TTPAL: variants seen among roughly 807,000 people sequenced by gnomAD.
TTPAL encodes alpha-tocopherol transfer protein-like.
In TTPAL, 21 loss-of-function variants were observed where a neutral mutation model predicts 28.7. That is an observed-to-expected ratio of 0.73 (90% CI 0.52 to 1.06). The LOEUF (loss-of-function observed/expected upper bound fraction) is 1.06, where lower values mean the gene tolerates loss of function less well. Ranked by LOEUF, TTPAL falls within the 50% of genes least tolerant of loss-of-function variation. TTPAL has a pLI of 0.00. For missense variants in TTPAL, 345 were observed against 425.5 expected, an observed-to-expected ratio of 0.81 and a Z score of 1.67; for synonymous variants, 169 against 171.9, an observed-to-expected ratio of 0.98 and a Z score of 0.13.
In TTPAL at chr20:44,490,356, C is replaced by T. The variant is rs2064193453; in HGVS notation, c.*815C>T. On this transcript the variant is annotated 3_prime_UTR_variant, in exon 5 of 5. Coordinates refer to ENST00000262605, the MANE Select transcript of TTPAL (RefSeq NM_001039199.3). ...TCTGGCCTGGATCCCAGGTGTACAACTATGGACAAGATATGGGCCTCTACT... is the reference window on the plus strand; with the variant it reads ...TCTGGCCTGGATCCCAGGTGTACAATTATGGACAAGATATGGGCCTCTACT... The T allele has an allele frequency of 6.6e-6, 1 of 152,338 alleles. No homozygotes were observed. Among genetic ancestry groups the T allele is most frequent in the Admixed American group, 6.5e-5 (1 of 15,282 alleles). 9.4% of individuals were successfully genotyped at this position (152,338 alleles called of 1,614,324 possible).
At position 44,489,614 on chromosome 20, in the gene TTPAL, G is replaced by A. The variant is rs2064186316; in HGVS notation, c.*73G>A. ...GGAGAGGCACAAGGAGAATTTAAGGGTCCATGGATTCAGTCTTGCTCCTTG... is the reference window on the plus strand; with the variant it reads ...GGAGAGGCACAAGGAGAATTTAAGGATCCATGGATTCAGTCTTGCTCCTTG... On this transcript the variant is annotated 3_prime_UTR_variant, in exon 5 of 5. Coordinates refer to ENST00000262605, the MANE Select transcript of TTPAL (RefSeq NM_001039199.3). 3 of 1,466,796 alleles carry A rather than the reference G, an allele frequency of 2.0e-6. No individual in the cohort carries two copies. Among genetic ancestry groups the A allele is most frequent in the Non-Finnish European group, 2.7e-6 (3 of 1,093,800 alleles). 90.9% of individuals were successfully genotyped at this position (1,466,796 alleles called of 1,614,324 possible).
rs2064086508 is a variant in TTPAL, at chr20:44,480,009, G to A, written c.10G>A (p.Glu4Lys). ...GGGACCTTGGTAGCTAATGTCCGAAGAAAGTGACTCTCTGAGAACCAGCCC... is the reference window on the plus strand; with the variant it reads ...GGGACCTTGGTAGCTAATGTCCGAAAAAAGTGACTCTCTGAGAACCAGCCC... MSE[E>K]SDSLRTSPSV... Residue 4 changes from glutamate to lysine, a missense_variant, in exon 2 of 5, where the codon GAA becomes AAA. Coordinates refer to ENST00000262605, the MANE Select transcript of TTPAL (RefSeq NM_001039199.3). This position sits in a 1 kb window ranked among gnomAD's most constrained non-coding sequence, Gnocchi z 4.1. 6.2e-7 allele frequency: 1 copy of A among 1,612,766 alleles called. No homozygotes were observed. The highest frequency in any genetic ancestry group is 1.3e-5 in the African/African-American group (1 of 74,844).
At chr20:44,476,663 A>G (rs2064046955) in intron 1 of TTPAL, among the ~76,000 whole-genome samples, 1 of 152,236 alleles carries the variant, frequency 6.6e-6, no homozygotes, top group South Asian at 2.1e-4. Context: ...CGCTCTCACC[A>G]AATAACGTGA....
rs919295126 is a variant in TTPAL, at chr20:44,480,945, A to G, written c.445+501A>G. On this transcript the variant is annotated intron_variant, in intron 2 of 4. Coordinates refer to ENST00000262605, the MANE Select transcript of TTPAL (RefSeq NM_001039199.3). The surrounding 1 kb of genome is among the most constrained non-coding windows in gnomAD (Gnocchi z 4.1). Reference sequence around the variant, plus strand: ...TAGTGGGGAGCATCTGGTGGGGCCTAAGAATCTGCCCCTGGCCATAGGATA... The same window carrying G: ...TAGTGGGGAGCATCTGGTGGGGCCTGAGAATCTGCCCCTGGCCATAGGATA... Among the ~76,000 whole-genome samples the G allele has an allele frequency of 2.0e-5, 3 of 152,202 alleles. No homozygotes were observed. The highest frequency in any genetic ancestry group is 4.4e-5 in the Non-Finnish European group (3 of 68,044).
rs1357646577 is a variant in TTPAL at position 44,475,979 on chromosome 20, C to T, written c.-28C>T. 1 of 152,294 alleles carries T rather than the reference C, an allele frequency of 6.6e-6. No individual in the cohort carries two copies. Among genetic ancestry groups the T allele is most frequent in the African/African-American group, 2.4e-5 (1 of 41,466 alleles). The allele number at this position is 152,294 out of a possible 1,614,324, so 9.4% of individuals were successfully genotyped here. Reference sequence around the variant, plus strand: ...GCCGCCGATTGACCCGCGCTCCGCCCGTAGTCGGGCCGGTGAGTGCCCGCG... The same window carrying T: ...GCCGCCGATTGACCCGCGCTCCGCCTGTAGTCGGGCCGGTGAGTGCCCGCG... On this transcript the variant is annotated 5_prime_UTR_variant, in exon 1 of 5. Transcript: ENST00000262605.
At chr20:44,482,059 G>C (rs1220419257) in intron 2 of TTPAL, among the ~76,000 whole-genome samples, 3 of 152,146 alleles carry the variant, frequency 2.0e-5, no homozygotes, top group Non-Finnish European at 4.4e-5. Context: ...CCTTTCCACT[G>C]ACCCAGCGTT....
In TTPAL at chr20:44,483,888, G is replaced by C. The variant is rs145690603; in HGVS notation, c.446-449G>C. On this transcript the variant is annotated intron_variant, in intron 2 of 4. Transcript: ENST00000262605. ...GATCACTGCAGCCTCAACCTCCTGA[G>C]CTCAAGAGATCCTCCCACCTCAGTC... Among the ~76,000 whole-genome samples, 1,148 of 152,226 alleles carry C rather than the reference G, an allele frequency of 7.5e-3. 11 individuals carry two copies. Among genetic ancestry groups the C allele is most frequent in the African/African-American group, 0.024 (1,016 of 41,542 alleles).
chr20:44,486,388 T>C, intron 3 of TTPAL: 1 of 421,482 alleles, frequency 2.4e-6, no homozygotes, highest in Non-Finnish European at 4.2e-6. Flanking sequence ...AGCCTCTGTT[T>C]GCCTCTCTTC....
intron 4 of TTPAL, 66 bp from the exon 5 acceptor site, chr20:44,489,197 T>C: frequency 6.6e-7 from 1 of 1,519,004 alleles, no homozygotes; most frequent in South Asian, 1.2e-5. Context: ...GCACCTACCA[T>C]GGAGGAGATT....
At chr20:44,481,688 C>T (rs1167182434) in intron 2 of TTPAL, among the ~76,000 whole-genome samples, 1 of 152,174 alleles carries the variant, frequency 6.6e-6, no homozygotes, top group Admixed American at 6.5e-5. Flanking sequence ...GGAGTGGACA[C>T]CTCCATGCAC....
chr20:44,482,749 C>T (rs140380737), intron 2 of TTPAL, among the ~76,000 whole-genome samples: 47 of 151,678 alleles, frequency 3.1e-4, no homozygotes, highest in African/African-American at 1.1e-3. Flanking sequence ...AGGAAAGAAT[C>T]ATTAAATACA....
At chr20:44,477,477 G>A (rs1340298532) in intron 1 of TTPAL, among the ~76,000 whole-genome samples, 2 of 152,084 alleles carry the variant, frequency 1.3e-5, no homozygotes, top group Non-Finnish European at 2.9e-5. Context: ...ACCTAACCTG[G>A]CTGGGGGTCA....
chr20:44,484,579 C>T, intron 3 of TTPAL, 49 bp downstream of exon 3: 1 of 1,432,228 alleles, frequency 7.0e-7, no homozygotes. Flanking sequence ...CTGGCTTTCC[C>T]CAGGGCCTGT....
At chr20:44,478,381 A>G (rs1568766230) in intron 1 of TTPAL, among the ~76,000 whole-genome samples, 1 of 152,208 alleles carries the variant, frequency 6.6e-6, no homozygotes, top group Non-Finnish European at 1.5e-5. Flanking sequence ...GAGGAGTCCT[A>G]TGTCTCACTA....
intron 4 of TTPAL, among the ~76,000 whole-genome samples, chr20:44,488,967 C>A (rs2064178006): frequency 6.6e-6 from 1 of 152,126 alleles, no homozygotes; most frequent in Non-Finnish European, 1.5e-5. Flanking sequence ...GATAGGAGGC[C>A]ACTGGAGGAA....
At chr20:44,484,885 G>C (rs1003759444) in intron 3 of TTPAL, among the ~76,000 whole-genome samples, 1 of 152,246 alleles carries the variant, frequency 6.6e-6, no homozygotes, top group African/African-American at 2.4e-5. Context: ...GGCCGAGGCA[G>C]GTGGATCACT....
chr20:44,480,462 T>TG lies in TTPAL; in HGVS notation c.445+19dup, dbSNP rs764353514. The TG allele has an allele frequency of 6.4e-7, 1 of 1,564,718 alleles. No homozygotes were observed. Among genetic ancestry groups the TG allele is most frequent in the South Asian group, 1.2e-5 (1 of 84,258 alleles). Reference sequence around the variant, plus strand: ...CCGCCCAGGTATCTCCCTAGACTGTTGTGGGGTGTGTGTGTCCAGTCCTTC... The same window carrying TG: ...CCGCCCAGGTATCTCCCTAGACTGTTGGTGGGGTGTGTGTGTCCAGTCCTTC... On this transcript the variant is annotated intron_variant, in intron 2 of 4. Coordinates refer to ENST00000262605, the MANE Select transcript of TTPAL (RefSeq NM_001039199.3). This position sits in a 1 kb window ranked among gnomAD's most constrained non-coding sequence, Gnocchi z 4.1.
At chr20:44,481,619 C>T (rs551964488) in intron 2 of TTPAL, among the ~76,000 whole-genome samples, 43 of 152,300 alleles carry the variant, frequency 2.8e-4, no homozygotes, top group African/African-American at 1.0e-3. Context: ...AATGAGAACA[C>T]ACTAATAGCC....
chr20:44,479,434 T>C (rs887663557), intron 1 of TTPAL, among the ~76,000 whole-genome samples: 2 of 124,210 alleles, frequency 1.6e-5, no homozygotes, highest in African/African-American at 6.3e-5. Context: ...TTTTTGAGAG[T>C]CTTGCTGTGG....
Sources: allele counts gnomAD v4.1 joint callset (sites outside exome capture counted in the v4.1 genomes callset), GRCh38; gene constraint gnomAD v4.1.1; non-coding constraint Gnocchi (gnomAD v3.1); transcripts MANE v1.5; gene names NCBI Gene and HGNC (gene_info 2026-07-23, HGNC 2026-07-21).